The following TMPRSS6 variants were observed in gnomAD, a reference collection of about 807,000 sequenced individuals.
TMPRSS6 encodes the protein transmembrane serine protease 6, also known as transmembrane protease serine 6.
Under a neutral mutation model 101.5 loss-of-function variants are expected in TMPRSS6, and 67 were observed. The ratio of observed to expected loss-of-function variants is 0.66; its 90% CI spans 0.54 to 0.81. TMPRSS6 has a LOEUF of 0.81. TMPRSS6 is among the 30% of genes least tolerant of loss of function. TMPRSS6 has a pLI of 0.00. For missense variants in TMPRSS6, 1,034 were observed against 1,088.7 expected (o/e 0.95, Z 0.71); for synonymous variants, 453 against 464.9 (o/e 0.97, Z 0.33).
chr22:37,078,337 G>A (rs1299856694), intron 10 of TMPRSS6, among the ~76,000 whole-genome samples: 3 of 152,198 alleles, frequency 2.0e-5, no homozygotes, highest in Non-Finnish European at 2.9e-5. Flanking sequence ...ACCTGTGCCT[G>A]CTACAGGAAG....
chr22:37,066,323 CTG>C, intron 17 of TMPRSS6, 85 bp from the exon 18 acceptor site: 1 of 1,358,388 alleles, frequency 7.4e-7, no homozygotes, highest in Non-Finnish European at 1.0e-6. Flanking sequence ...TAAGTCCTGA[CTG>C]TTGGGAATTG....
intron 10 of TMPRSS6, among the ~76,000 whole-genome samples, chr22:37,076,085 G>GAGAA (rs1229497044): frequency 6.6e-6 from 1 of 151,928 alleles, no homozygotes; most frequent in Non-Finnish European, 1.5e-5. Context: ...AAGAAAGAAA[G>GAGAA]AGAAAGAAAG....
chr22:37,083,708 T>G lies in TMPRSS6; in HGVS notation c.1196+587A>C, dbSNP rs183157308. The stretch of plus-strand genomic sequence containing the variant: ...CCACTGTCTCTTGCTCACATCTCTG[T>G]AAGGACTCACTTCTTTGTCGGAAAC... On this transcript the variant is annotated intron_variant, in intron 10 of 17. Coordinates refer to ENST00000676104, the MANE Select transcript of TMPRSS6 (RefSeq NM_001374504.1). Among the ~76,000 whole-genome samples, 121 of 152,322 alleles carry G rather than the reference T, an allele frequency of 7.9e-4. 1 individual carries two copies. The highest frequency in any genetic ancestry group is 2.8e-3 in the African/African-American group (116 of 41,564).
At chr22:37,102,717 G>A (rs1436296229) in intron 2 of TMPRSS6, among the ~76,000 whole-genome samples, 4 of 152,178 alleles carry the variant, frequency 2.6e-5, no homozygotes, top group African/African-American at 9.7e-5. Flanking sequence ...GGACCCTGGA[G>A]ACCCAGAGGG....
intron 10 of TMPRSS6, chr22:37,082,925 G>A (rs183493619): frequency 4.6e-5 from 21 of 460,248 alleles, no homozygotes; most frequent in African/African-American, 1.4e-4. Context: ...GTCATTCTTC[G>A]TCACCTTTTG....
At chr22:37,100,575 A>C (rs1930231973) in intron 2 of TMPRSS6, among the ~76,000 whole-genome samples, 1 of 152,154 alleles carries the variant, frequency 6.6e-6, no homozygotes, top group Non-Finnish European at 1.5e-5. Flanking sequence ...TGCCAGAAAG[A>C]AGTGGTCTTG....
At chr22:37,106,988 T>C (rs1415819197) in intron 1 of TMPRSS6, among the ~76,000 whole-genome samples, 1 of 152,206 alleles carries the variant, frequency 6.6e-6, no homozygotes, top group East Asian at 1.9e-4. Flanking sequence ...CTCTGTCCCC[T>C]ACAGAACAGG....
rs767172403 is a variant in TMPRSS6 at position 37,103,393 on chromosome 22, C to T, written c.25G>A (p.Val9Met). The T allele has an allele frequency of 1.9e-6, 3 of 1,614,218 alleles. No homozygotes were observed. Among genetic ancestry groups the T allele is most frequent in the Non-Finnish European group, 1.7e-6 (2 of 1,180,040 alleles). Reference sequence around the variant, plus strand: ...CCTCCGTCCCCCTGCCCGCCAGCCACCTGGGGGGCCTCGGCCACGGGCATC... The same window carrying T: ...CCTCCGTCCCCCTGCCCGCCAGCCATCTGGGGGGCCTCGGCCACGGGCATC... Reference protein sequence around the residue: MPVAEAPQVAGGQGDGGDG... With the variant: MPVAEAPQMAGGQGDGGDG... The change falls in exon 2 of 18, where the codon GTG becomes ATG. Residue 9 changes from valine (V) to methionine (M), a missense_variant. Transcript: ENST00000676104. This position sits in a 1 kb window ranked among gnomAD's most constrained non-coding sequence, Gnocchi z 4.4.
At chr22:37,066,721 G>A in intron 17 of TMPRSS6, 105 bp downstream of exon 17, 1 of 1,491,520 alleles carries the variant, frequency 6.7e-7, no homozygotes, top group Non-Finnish European at 9.3e-7. Flanking sequence ...CTTGCTGGGA[G>A]GATGGGAGGC....
intron 7 of TMPRSS6, among the ~76,000 whole-genome samples, chr22:37,087,180 C>T (rs1420478156): frequency 6.6e-6 from 1 of 152,198 alleles, no homozygotes; most frequent in East Asian, 1.9e-4. Context: ...TTCACCCTCT[C>T]ACCAACCTCC....
intron 10 of TMPRSS6, among the ~76,000 whole-genome samples, chr22:37,076,433 C>T (rs1272077667): frequency 6.6e-6 from 1 of 152,212 alleles, no homozygotes; most frequent in Non-Finnish European, 1.5e-5. Context: ...CGCCCCTGCA[C>T]CCCTGCCATA....
intron 2 of TMPRSS6, among the ~76,000 whole-genome samples, chr22:37,102,531 T>A (rs890392744): frequency 1.3e-5 from 2 of 152,168 alleles, no homozygotes; most frequent in African/African-American, 4.8e-5. Context: ...ATTCCATGAA[T>A]GAATGAACGG....
chr22:37,108,791 G>GGCAGAGCAGA (rs1282319175), intron 1 of TMPRSS6, among the ~76,000 whole-genome samples: 1 of 152,236 alleles, frequency 6.6e-6, no homozygotes, highest in South Asian at 2.1e-4. Context: ...CCTCAGCCAG[G>GGCAGAGCAGA]GCAGAGCAGA....
intron 16 of TMPRSS6, among the ~76,000 whole-genome samples, chr22:37,067,783 G>A (rs568649117): frequency 1.4e-5 from 1 of 71,328 alleles, no homozygotes; most frequent in African/African-American, 8.0e-5. Flanking sequence ...CAGGTAGGAG[G>A]GAGAACTCCT....
chr22:37,109,562 C>T lies in TMPRSS6; in HGVS notation c.-61G>A, dbSNP rs1191888950. The T allele has an allele frequency of 6.6e-6, 1 of 152,434 alleles. No homozygotes were observed. Among genetic ancestry groups the T allele is most frequent in the Non-Finnish European group, 1.5e-5 (1 of 68,202 alleles). 9.4% of individuals were successfully genotyped at this position (152,434 alleles called of 1,614,324 possible). A position where few individuals can be genotyped will look rare whatever the true frequency, so the allele number is the denominator to read the frequency against. On this transcript the variant is annotated 5_prime_UTR_variant, in exon 1 of 18. Coordinates refer to ENST00000676104, the MANE Select transcript of TMPRSS6 (RefSeq NM_001374504.1). The stretch of plus-strand genomic sequence containing the variant: ...ACAGGCCTCAGGAGCCTCTGTTTGT[C>T]CAGGCCAAGGCCTCCCCACCCCCAC...
In TMPRSS6 at chr22:37,089,735, T is replaced by G. The variant is rs1210870247; in HGVS notation, c.679A>C (p.Lys227Gln). 2 of 1,612,646 alleles carry G rather than the reference T, an allele frequency of 1.2e-6. No homozygotes were observed. The highest frequency in any genetic ancestry group is 1.1e-5 in the South Asian group (1 of 90,802). ...CTGGAGGCCAGGTGGTCAGGCCCCT[T>G]CAGCCGGAGGACCTGGCCCTGGCCC... Reference protein sequence around the residue: ...YVGQGQVLRLKGPDHLASSCL... With the variant: ...YVGQGQVLRLQGPDHLASSCL... Residue 227 changes from lysine (K) to glutamine (Q), a missense_variant, in exon 7 of 18, where the codon AAG (lysine) becomes CAG (glutamine). Physicochemically the swap from Lys to Gln is moderately conservative, Grantham distance 53 (BLOSUM62 1). Transcript: ENST00000676104.
In TMPRSS6 at chr22:37,095,551, C is replaced by T; in HGVS notation, c.631G>A (p.Gly211Ser). ...GGGAGGGGAAAAAAAAATAGCGTACCCAGCGTGGAATTCAATGCAGCTATG... is the reference window on the plus strand; with the variant it reads ...GGGAGGGGAAAAAAAAATAGCGTACTCAGCGTGGAATTCAATGCAGCTATG... ...KDIAALNSTL[G>S]CYRYSYVGQG... Residue 211 changes from glycine to serine, a missense_variant and splice_region_variant, in exon 6 of 18, where the codon GGT (glycine) becomes AGT (serine). Physicochemically the swap from Gly to Ser is moderately conservative, Grantham distance 56. Transcript: ENST00000676104. The T allele has an allele frequency of 1.9e-6, 3 of 1,612,400 alleles. No homozygotes were observed. The highest frequency in any genetic ancestry group is 2.5e-6 in the Non-Finnish European group (3 of 1,179,674).
Position 37,095,894 on chromosome 22 carries a change from C to T in TMPRSS6, c.589+12G>A, listed in dbSNP as rs750244060. The T allele has an allele frequency of 1.6e-5, 26 of 1,613,808 alleles. No individual in the cohort carries two copies. Among genetic ancestry groups the T allele is most frequent in the South Asian group, 2.2e-5 (2 of 91,072 alleles). On this transcript the variant is annotated intron_variant, in intron 5 of 17. Transcript: ENST00000676104. Reference sequence around the variant, plus strand: ...ATGAGGCCAACCCCACGTTTCCACTCGCAGTACTGACCCAGGATCACTAGG... The same window carrying T: ...ATGAGGCCAACCCCACGTTTCCACTTGCAGTACTGACCCAGGATCACTAGG...
chr22:37,083,229 C>T, intron 10 of TMPRSS6: 1 of 374,096 alleles, frequency 2.7e-6, no homozygotes, highest in South Asian at 2.1e-5. Flanking sequence ...GACACGATGA[C>T]CGTTTTCACC....
Sources: gnomAD v4.1 joint callset for allele counts (sites outside exome capture counted in the v4.1 genomes callset) on GRCh38, gnomAD v4.1.1 for gene constraint, Gnocchi (gnomAD v3.1) non-coding constraint, MANE v1.5 for transcripts, NCBI Gene and HGNC (gene_info 2026-07-23, HGNC 2026-07-21) for gene names.